The following WNT3 variants were observed in gnomAD, a reference collection of about 807,000 sequenced individuals.
WNT3 encodes the protein proto-oncogene Wnt-3.
A neutral mutation model predicts 34.2 loss-of-function variants in WNT3; 7 were observed. The observed-to-expected ratio is 0.20, with a 90% CI of 0.12 to 0.38. The LOEUF (loss-of-function observed/expected upper bound fraction) is 0.38, where lower values mean the gene tolerates loss of function less well. WNT3 is among the 10% of genes least tolerant of loss of function. The pLI is 1.00. For missense variants in WNT3, 267 were observed against 499.8 expected (o/e 0.53, Z 4.44); for synonymous variants, 212 against 211.5 (o/e 1.00, Z -0.02).
At chr17:46,769,134 T>C (rs1010723286) in intron 3 of WNT3, among the ~76,000 whole-genome samples, 19 of 151,960 alleles carry the variant, frequency 1.3e-4, no homozygotes, top group African/African-American at 4.1e-4. Context: ...CTGGCCAACA[T>C]GGCGAAACCC....
chr17:46,806,120 C>G (rs2084191006), intron 1 of WNT3, among the ~76,000 whole-genome samples: 1 of 152,088 alleles, frequency 6.6e-6, no homozygotes, highest in Non-Finnish European at 1.5e-5. Flanking sequence ...GCCACTGGAG[C>G]CGCCCACTTG....
chr17:46,771,738 CATT>C (rs2059373380), intron 2 of WNT3, among the ~76,000 whole-genome samples: 1 of 125,554 alleles, frequency 8.0e-6, no homozygotes, highest in South Asian at 2.5e-4. Context: ...GCGAAATCCC[CATT>C]GAAGCGGCGC....
rs1165569360 is a variant in WNT3, at chr17:46,816,471, A to ACG, written c.80+2046_80+2047insCG. On this transcript the variant is annotated intron_variant, in intron 1 of 4. Transcript: ENST00000225512. ...CCTCTTAGGGTCATAGACCCAGAACACACGCACACACACACACACACACAC... is the reference window on the plus strand; with the variant it reads ...CCTCTTAGGGTCATAGACCCAGAACACGCACGCACACACACACACACACACAC... Among the ~76,000 whole-genome samples, 321 of 78,936 alleles carry ACG rather than the reference A, an allele frequency of 4.1e-3. 1 individual carries two copies. The highest frequency in any genetic ancestry group is 0.012 in the East Asian group (19 of 1,534). The allele number at this position is 78,936 out of a possible 152,430, so 51.8% of individuals were successfully genotyped here.
chr17:46,806,930 C>G (rs1449699445), intron 1 of WNT3, among the ~76,000 whole-genome samples: 1 of 152,156 alleles, frequency 6.6e-6, no homozygotes, highest in Non-Finnish European at 1.5e-5. Context: ...GTGGGTGCTA[C>G]CTGGGCACTC....
chr17:46,772,678 C>A (rs2059384273), intron 2 of WNT3, among the ~76,000 whole-genome samples: 1 of 152,214 alleles, frequency 6.6e-6, no homozygotes, highest in African/African-American at 2.4e-5. Flanking sequence ...CAATAGCCAG[C>A]ACTTTGCCTG....
intron 2 of WNT3, 109 bp from the exon 3 acceptor site, chr17:46,770,157 A>C (rs147782321): frequency 1.4e-6 from 2 of 1,399,410 alleles, no homozygotes; most frequent in African/African-American, 1.4e-5. Flanking sequence ...GGAAGAGTTG[A>C]AGAGCTCACC....
In WNT3 at chr17:46,762,759, T is replaced by C. The variant is rs905268104; in HGVS notation, c.*1871A>G. ...GTAGGAAATTTCGGTTGGATACTATTACCTGACTACGGCGAGAATCATTAC... is the reference window on the plus strand; with the variant it reads ...GTAGGAAATTTCGGTTGGATACTATCACCTGACTACGGCGAGAATCATTAC... On this transcript the variant is annotated 3_prime_UTR_variant, in exon 5 of 5. Coordinates refer to ENST00000225512, the MANE Select transcript of WNT3 (RefSeq NM_030753.5). The C allele has an allele frequency of 6.6e-6, 1 of 152,120 alleles. No individual in the cohort carries two copies. Among genetic ancestry groups the C allele is most frequent in the Non-Finnish European group, 1.5e-5 (1 of 68,022 alleles). 9.4% of individuals were successfully genotyped at this position (152,120 alleles called of 1,614,324 possible).
chr17:46,817,371 T>TC (rs1353604637), intron 1 of WNT3, among the ~76,000 whole-genome samples: 6 of 151,032 alleles, frequency 4.0e-5, no homozygotes, highest in African/African-American at 1.5e-4. Flanking sequence ...CCTCCTCACC[T>TC]CCCCCCGCCC....
At chr17:46,764,906 GGAGC>G in intron 4 of WNT3, among the ~76,000 whole-genome samples, 1 of 152,242 alleles carries the variant, frequency 6.6e-6, no homozygotes, top group East Asian at 1.9e-4. Flanking sequence ...AGGAAGCCCA[GGAGC>G]AGGTCACTCA....
At chr17:46,770,070 G>A (rs1475669693) in intron 2 of WNT3, 22 bp from the exon 3 acceptor site, 2 of 1,528,018 alleles carry the variant, frequency 1.3e-6, no homozygotes, top group Non-Finnish European at 1.8e-6. Context: ...TCGTGGGGAG[G>A]CAGCACTCAG....
At chr17:46,809,789 C>T (rs2084247021) in intron 1 of WNT3, among the ~76,000 whole-genome samples, 1 of 152,040 alleles carries the variant, frequency 6.6e-6, no homozygotes, top group African/African-American at 2.4e-5. Flanking sequence ...CAGTTGGCTT[C>T]AGACCTGAGG....
rs1469326279 is a variant in WNT3, at chr17:46,818,687, G to C, written c.-90C>G. ...GTTGGAACAAAGTCCACTTGAGATTGGAAATGACTTTCGGGCTTGTCAGAA... is the reference window on the plus strand; with the variant it reads ...GTTGGAACAAAGTCCACTTGAGATTCGAAATGACTTTCGGGCTTGTCAGAA... On this transcript the variant is annotated 5_prime_UTR_variant, in exon 1 of 5. Coordinates refer to ENST00000225512, the MANE Select transcript of WNT3 (RefSeq NM_030753.5). 7.8e-7 allele frequency: 1 copy of C among 1,275,482 alleles called. No individual in the cohort carries two copies. The highest frequency in any genetic ancestry group is 1.5e-5 in the African/African-American group (1 of 67,552). 79.0% of individuals were successfully genotyped at this position (1,275,482 alleles called of 1,614,324 possible). A position where few individuals can be genotyped will look rare whatever the true frequency, so the allele number is the denominator to read the frequency against.
chr17:46,773,062 G>T (rs1043823817), intron 2 of WNT3, among the ~76,000 whole-genome samples: 1 of 152,138 alleles, frequency 6.6e-6, no homozygotes, highest in East Asian at 1.9e-4. Context: ...CAGGTTCAAA[G>T]TCAAATCATG....
Position 46,767,451 on chromosome 17 carries a change from T to G in WNT3, c.*8+861A>C, listed in dbSNP as rs373093569. Among the ~76,000 whole-genome samples, 4 of 152,118 alleles carry G rather than the reference T, an allele frequency of 2.6e-5. No homozygotes were observed. In the East Asian group the frequency reaches 7.7e-4, roughly 29 times the overall value. Reference sequence around the variant, plus strand: ...TTGTGCAGGAACTTGCCCTCTAAGTTCAAGGTGGATGCACACTGACTCTGC... The same window carrying G: ...TTGTGCAGGAACTTGCCCTCTAAGTGCAAGGTGGATGCACACTGACTCTGC... On this transcript the variant is annotated intron_variant, in intron 4 of 4. Coordinates refer to ENST00000225512, the MANE Select transcript of WNT3 (RefSeq NM_030753.5).
intron 1 of WNT3, among the ~76,000 whole-genome samples, chr17:46,807,255 G>A (rs900246449): frequency 6.6e-6 from 1 of 152,260 alleles, no homozygotes; most frequent in Non-Finnish European, 1.5e-5. Context: ...GGCCGAGGCA[G>A]GTGGATCACT....
intron 2 of WNT3, among the ~76,000 whole-genome samples, chr17:46,771,847 G>A (rs1344998963): frequency 3.5e-5 from 5 of 144,270 alleles, no homozygotes; most frequent in Non-Finnish European, 7.7e-5. Flanking sequence ...CGGTGCTCGG[G>A]CGCTTTTCAG....
At position 46,770,068 on chromosome 17, in the gene WNT3, A is replaced by T. The variant is rs779537869; in HGVS notation, c.323-20T>A. The T allele has an allele frequency of 7.8e-6, 12 of 1,530,042 alleles. No individual in the cohort carries two copies. The highest frequency in any genetic ancestry group is 1.1e-5 in the Non-Finnish European group (12 of 1,139,634). The allele number at this position is 1,530,042 out of a possible 1,614,324, so 94.8% of individuals were successfully genotyped here. On this transcript the variant is annotated intron_variant, in intron 2 of 4. Transcript: ENST00000225512. Reference sequence around the variant, plus strand: ...GGGTGGCTGCGGGGAGGTCGTGGGGAGGCAGCACTCAGGACCCGGCCTGGG... The same window carrying T: ...GGGTGGCTGCGGGGAGGTCGTGGGGTGGCAGCACTCAGGACCCGGCCTGGG...
chr17:46,779,730 C>A (rs1297249917), intron 1 of WNT3, among the ~76,000 whole-genome samples: 2 of 151,934 alleles, frequency 1.3e-5, no homozygotes, highest in Non-Finnish European at 1.5e-5. Flanking sequence ...CTGCAGGAGG[C>A]CTGCATGGTG....
chr17:46,777,654 G>A (rs557120922), intron 1 of WNT3, among the ~76,000 whole-genome samples: 48 of 152,244 alleles, frequency 3.2e-4, no homozygotes, highest in Non-Finnish European at 6.5e-4. Flanking sequence ...CTTGCTCTGT[G>A]CCAGTCACTT....
Sources: gnomAD v4.1 joint callset for allele counts (sites outside exome capture counted in the v4.1 genomes callset) on GRCh38, gnomAD v4.1.1 for gene constraint, MANE v1.5 for transcripts, NCBI Gene and HGNC (gene_info 2026-07-23, HGNC 2026-07-21) for gene names.